NRG1: variants seen among roughly 807,000 people sequenced by gnomAD.
NRG1 encodes pro-neuregulin-1, membrane-bound isoform.
In NRG1, 18 loss-of-function variants were observed where a neutral mutation model predicts 63.8. The observed-to-expected ratio is 0.28, with a 90% CI of 0.19 to 0.42. The LOEUF (loss-of-function observed/expected upper bound fraction) is 0.42, where lower values mean the gene tolerates loss of function less well. Ranked by LOEUF, NRG1 falls within the 10% of genes least tolerant of loss-of-function variation. The probability of loss-of-function intolerance (pLI) is 1.00; values close to 1 mark genes in which losing one functional copy is unlikely to be tolerated. For synonymous variants in NRG1, 302 were observed against 301.3 expected (o/e 1.00, Z -0.02); for missense variants, 762 against 814.7 (o/e 0.94, Z 0.79).
intron 1 of NRG1, among the ~76,000 whole-genome samples, chr8:32,448,381 T>C (rs924428706): frequency 4.5e-4 from 68 of 152,272 alleles, no homozygotes; most frequent in African/African-American, 1.5e-3. Context: ...ATTTTATCAA[T>C]AGGAATAAAA....
rs59251868 is a variant in NRG1 at position 32,141,592 on chromosome 8, G to GTATATATATA, written c.38-454208_38-454199dup. 2.6e-3 allele frequency among the ~76,000 whole-genome samples: 184 copies of GTATATATATA among 71,758 alleles called. 4 individuals are homozygous for GTATATATATA. The highest frequency in any genetic ancestry group is 3.3e-3 in the South Asian group (5 of 1,512). 47.1% of individuals were successfully genotyped at this position (71,758 alleles called of 152,430 possible). On this transcript the variant is annotated intron_variant, in intron 1 of 10. Transcript: ENST00000519301. ...ATATATACATATCCTATGTGTGTGG[G>GTATATATATA]TATATATATATATATATATATATAT...
intron 1 of NRG1, among the ~76,000 whole-genome samples, chr8:31,825,397 A>T (rs529938827): frequency 1.6e-4 from 25 of 152,306 alleles, no homozygotes; most frequent in African/African-American, 5.8e-4. Context: ...CAAAAAAAAA[A>T]AAAAGTATTT....
intron 5 of NRG1, chr8:32,647,100 C>T (rs1271042720): frequency 2.0e-6 from 2 of 985,198 alleles, no homozygotes; most frequent in Non-Finnish European, 2.4e-6. Context: ...CTCTTGCCTC[C>T]GGAGCCCTCT....
intron 1 of NRG1, among the ~76,000 whole-genome samples, chr8:32,536,202 G>A (rs529457370): frequency 6.6e-6 from 1 of 152,124 alleles, no homozygotes; most frequent in Non-Finnish European, 1.5e-5. Context: ...TGACCGGGCC[G>A]TCTCCTAATC....
At chr8:31,873,325 C>T (rs112822762) in intron 1 of NRG1, among the ~76,000 whole-genome samples, 5,984 of 152,170 alleles carry the variant, frequency 0.039, 421 homozygotes, top group African/African-American at 0.14. Context: ...CTTTGGGAGG[C>T]TGATGTGGGT....
intron 1 of NRG1, among the ~76,000 whole-genome samples, chr8:32,411,159 C>G (rs1814886328): frequency 6.6e-6 from 1 of 152,112 alleles, no homozygotes; most frequent in South Asian, 2.1e-4. Context: ...CTGGCATGAG[C>G]CACCACGCCC....
chr8:31,838,534 C>T (rs375178284), intron 1 of NRG1, among the ~76,000 whole-genome samples: 1 of 152,074 alleles, frequency 6.6e-6, no homozygotes, highest in African/African-American at 2.4e-5. Context: ...GATTTAGAGA[C>T]TTTCGAAAAG....
At chr8:32,445,137 A>G (rs1167317056) in intron 1 of NRG1, among the ~76,000 whole-genome samples, 1 of 152,346 alleles carries the variant, frequency 6.6e-6, no homozygotes, top group East Asian at 1.9e-4. Context: ...ACCAAAATCC[A>G]CAGATGCTCA....
intron 1 of NRG1, among the ~76,000 whole-genome samples, chr8:32,592,191 A>C (rs1455423589): frequency 6.6e-6 from 1 of 152,012 alleles, no homozygotes; most frequent in Non-Finnish European, 1.5e-5. Flanking sequence ...TTAGTTGAAG[A>C]CATCATGACA....
At chr8:31,959,560 T>C (rs567000674) in intron 1 of NRG1, among the ~76,000 whole-genome samples, 7 of 152,168 alleles carry the variant, frequency 4.6e-5, no homozygotes, top group Non-Finnish European at 8.8e-5. Context: ...CCCGTCTTGA[T>C]GGGTCATGAA....
intron 1 of NRG1, among the ~76,000 whole-genome samples, chr8:32,426,313 G>A (rs1327461378): frequency 6.6e-6 from 1 of 152,148 alleles, no homozygotes; most frequent in African/African-American, 2.4e-5. Flanking sequence ...ATAAAGTGCT[G>A]TATTGATGGA....
chr8:32,269,549 G>A (rs760898273), intron 1 of NRG1, among the ~76,000 whole-genome samples: 7 of 152,128 alleles, frequency 4.6e-5, no homozygotes, highest in Non-Finnish European at 7.3e-5. Context: ...CAAGGATGGG[G>A]CAGCAGCTTC....
At chr8:32,108,104 C>A (rs1340463579) in intron 1 of NRG1, among the ~76,000 whole-genome samples, 6 of 151,982 alleles carry the variant, frequency 3.9e-5, no homozygotes, top group African/African-American at 1.5e-4. Flanking sequence ...AGAGAAAAAA[C>A]TTGGAATTTG....
At chr8:32,585,824 G>A (rs919997097) in intron 1 of NRG1, among the ~76,000 whole-genome samples, 1 of 152,178 alleles carries the variant, frequency 6.6e-6, no homozygotes, top group African/African-American at 2.4e-5. Flanking sequence ...CCCAGGTTTT[G>A]TGAGGAAAAT....
chr8:32,581,789 C>T (rs1017852499), intron 1 of NRG1, among the ~76,000 whole-genome samples: 1 of 152,134 alleles, frequency 6.6e-6, no homozygotes, highest in Non-Finnish European at 1.5e-5. Context: ...TTCTCCTATA[C>T]CCTTTATTCA....
chr8:32,378,297 T>C (rs1171526514), intron 1 of NRG1, among the ~76,000 whole-genome samples: 2 of 152,192 alleles, frequency 1.3e-5, no homozygotes, highest in African/African-American at 4.8e-5. Flanking sequence ...AAACTGTGCA[T>C]TGTACAGGAC....
At chr8:31,918,938 T>C (rs1230712510) in intron 1 of NRG1, among the ~76,000 whole-genome samples, 1 of 152,170 alleles carries the variant, frequency 6.6e-6, no homozygotes, top group Non-Finnish European at 1.5e-5. Flanking sequence ...TGGGAGAGTG[T>C]ATGTGTCGAG....
At chr8:31,807,735 A>G (rs1192966724) in intron 1 of NRG1, among the ~76,000 whole-genome samples, 2 of 152,008 alleles carry the variant, frequency 1.3e-5, no homozygotes, top group Non-Finnish European at 2.9e-5. Flanking sequence ...GTAACTCTAA[A>G]TTTTCCTCTT....
chr8:32,106,673 A>G (rs7815226), intron 1 of NRG1, among the ~76,000 whole-genome samples: 52,028 of 152,102 alleles, frequency 0.34, 10,246 homozygotes, highest in East Asian at 0.52. Flanking sequence ...AATTAAAAAT[A>G]TATAGAAGAA....
Sources: gnomAD v4.1 joint callset for allele counts (sites outside exome capture counted in the v4.1 genomes callset) on GRCh38, gnomAD v4.1.1 for gene constraint, MANE v1.5 for transcripts, NCBI Gene and HGNC (gene_info 2026-07-23, HGNC 2026-07-21) for gene names.